The following SORBS2 variants were observed in gnomAD, a reference collection of about 807,000 sequenced individuals.
SORBS2 encodes sorbin and SH3 domain containing 2.
A neutral mutation model predicts 97.7 loss-of-function variants in SORBS2; 46 were observed. The observed-to-expected ratio is 0.47, with a 90% CI of 0.37 to 0.60. The LOEUF is 0.60. SORBS2 is among the 20% of genes least tolerant of loss of function. The pLI is 0.00. For missense variants in SORBS2, 1,316 were observed against 1,282.3 expected (o/e 1.03, Z -0.40); for synonymous variants, 476 against 473.4 (o/e 1.01, Z -0.07).
chr4:185,665,911 T>G, intron 4 of SORBS2: 8 of 1,181,348 alleles, frequency 6.8e-6, no homozygotes, highest in East Asian at 1.2e-4. Context: ...CAGGGAGGAG[T>G]CTGTTGTCAG....
intron 4 of SORBS2, among the ~76,000 whole-genome samples, chr4:185,644,306 C>G (rs1581682432): frequency 1.3e-5 from 2 of 152,304 alleles, no homozygotes; most frequent in Admixed American, 6.5e-5. Flanking sequence ...ACACTCATGG[C>G]TCCAGAGTTT....
intron 1 of SORBS2, among the ~76,000 whole-genome samples, chr4:185,797,818 G>A (rs1012586243): frequency 4.6e-5 from 7 of 152,052 alleles, no homozygotes; most frequent in Non-Finnish European, 5.9e-5. Flanking sequence ...CATTCCAGAC[G>A]CACCATCCAG....
chr4:185,780,733 G>A (rs971228292), intron 1 of SORBS2, among the ~76,000 whole-genome samples: 6 of 152,118 alleles, frequency 3.9e-5, no homozygotes, highest in Non-Finnish European at 8.8e-5. Flanking sequence ...GGTTATTGAT[G>A]TTAAGTAAAT....
chr4:185,833,974 A>G (rs2153674253), intron 1 of SORBS2, among the ~76,000 whole-genome samples: 1 of 152,344 alleles, frequency 6.6e-6, no homozygotes, highest in Admixed American at 6.5e-5. Context: ...GAGTTCTAGA[A>G]TTAACCAATG....
At chr4:185,690,510 AT>A in intron 2 of SORBS2, 51 bp downstream of exon 4, 2 of 1,306,442 alleles carry the variant, frequency 1.5e-6, no homozygotes, top group South Asian at 2.9e-5. Flanking sequence ...TAGGGCCAAC[AT>A]GATTTTTAGA....
At chr4:185,599,842 C>T (rs2153377998) in intron 12 of SORBS2, among the ~76,000 whole-genome samples, 1 of 152,324 alleles carries the variant, frequency 6.6e-6, no homozygotes. Flanking sequence ...TCTCCAGCCT[C>T]ACTTTAAGGC....
intron 4 of SORBS2, among the ~76,000 whole-genome samples, chr4:185,676,442 G>A (rs1401748769): frequency 1.3e-5 from 2 of 152,186 alleles, no homozygotes; most frequent in South Asian, 2.1e-4. Context: ...CTTCCTGAAA[G>A]TCTGGATAAT....
chr4:185,665,807 T>C, intron 4 of SORBS2: 1 of 1,112,972 alleles, frequency 9.0e-7, no homozygotes, highest in South Asian at 2.2e-5. Flanking sequence ...GGGGAGGGTG[T>C]CTCAGAACGG....
intron 1 of SORBS2, among the ~76,000 whole-genome samples, chr4:185,946,959 C>T (rs921280063): frequency 1.3e-5 from 2 of 152,228 alleles, no homozygotes; most frequent in Non-Finnish European, 2.9e-5. Context: ...GGGGTGTACC[C>T]CAACAGATGG....
At chr4:185,761,754 T>C (rs1463822759) in intron 2 of SORBS2, among the ~76,000 whole-genome samples, 1 of 152,170 alleles carries the variant, frequency 6.6e-6, no homozygotes, top group African/African-American at 2.4e-5. Flanking sequence ...CTGAGTTCCA[T>C]GCCCAGCAGT....
chr4:185,723,049 C>T (rs1334899133), intron 2 of SORBS2, among the ~76,000 whole-genome samples: 1 of 151,884 alleles, frequency 6.6e-6, no homozygotes, highest in Non-Finnish European at 1.5e-5. Context: ...TTGTAACAGG[C>T]CTAGCACAGT....
At chr4:185,870,409 C>T (rs1278052856) in intron 1 of SORBS2, among the ~76,000 whole-genome samples, 4 of 152,206 alleles carry the variant, frequency 2.6e-5, no homozygotes, top group East Asian at 1.9e-4. Context: ...ATCCCAACTA[C>T]CCAGACAAAG....
intron 1 of SORBS2, among the ~76,000 whole-genome samples, chr4:185,931,439 G>A (rs1290373256): frequency 2.6e-5 from 4 of 152,206 alleles, no homozygotes; most frequent in Non-Finnish European, 5.9e-5. Flanking sequence ...GAGTGACTGA[G>A]CTCAACTCCA....
At position 185,709,304 on chromosome 4, in the gene SORBS2, C is replaced by CTTTTTTTTTTTTTTTTTTTTTTTTT. The variant is rs70962587; in HGVS notation, c.-197-30483_-197-30482insAAAAAAAAAAAAAAAAAAAAAAAAA. 3.2e-4 allele frequency among the ~76,000 whole-genome samples: 31 copies of CTTTTTTTTTTTTTTTTTTTTTTTTT among 96,764 alleles called. 3 individuals are homozygous for CTTTTTTTTTTTTTTTTTTTTTTTTT. Among genetic ancestry groups the CTTTTTTTTTTTTTTTTTTTTTTTTT allele is most frequent in the African/African-American group, 8.2e-4 (20 of 24,378 alleles). The allele number at this position is 96,764 out of a possible 152,430, so 63.5% of individuals were successfully genotyped here. A position where few individuals can be genotyped will look rare whatever the true frequency, so the allele number is the denominator to read the frequency against. Reference sequence around the variant, plus strand: ...GCATGAGCCGCTGTGCTGGCCAAATCTTTTTTTTTTTTTTTTTTTTAGTAA... The same window carrying CTTTTTTTTTTTTTTTTTTTTTTTTT: ...GCATGAGCCGCTGTGCTGGCCAAATCTTTTTTTTTTTTTTTTTTTTTTTTTTTTTTTTTTTTTTTTTTTTTAGTAA... On this transcript the variant is annotated intron_variant, in intron 2 of 20. Transcript: ENST00000284776.
intron 2 of SORBS2, among the ~76,000 whole-genome samples, chr4:185,748,044 C>T (rs562213049): frequency 5.8e-4 from 89 of 152,220 alleles, no homozygotes; most frequent in African/African-American, 2.0e-3. Flanking sequence ...TTCTCCCTGG[C>T]TCATTTTAAG....
At chr4:185,737,680 G>A (rs1204729922) in intron 2 of SORBS2, among the ~76,000 whole-genome samples, 1 of 152,172 alleles carries the variant, frequency 6.6e-6, no homozygotes, top group African/African-American at 2.4e-5. Context: ...GCGGGGATGG[G>A]CACCGCAGCG....
At chr4:185,841,116 G>T (rs1463960884) in intron 1 of SORBS2, among the ~76,000 whole-genome samples, 2 of 152,222 alleles carry the variant, frequency 1.3e-5, no homozygotes, top group Non-Finnish European at 2.9e-5. Flanking sequence ...GAAGAACAAA[G>T]ATGTTAAAGG....
At chr4:185,944,963 A>G in intron 1 of SORBS2, among the ~76,000 whole-genome samples, 1 of 152,342 alleles carries the variant, frequency 6.6e-6, no homozygotes, top group South Asian at 2.1e-4. Flanking sequence ...TTATAGGAAA[A>G]AGAACACTAA....
chr4:185,910,232 A>G (rs1215371325), intron 1 of SORBS2, among the ~76,000 whole-genome samples: 4 of 152,168 alleles, frequency 2.6e-5, no homozygotes, highest in African/African-American at 9.7e-5. Context: ...CCCTATGCAT[A>G]TATTTATAAA....
Sources: allele counts gnomAD v4.1 joint callset (sites outside exome capture counted in the v4.1 genomes callset), GRCh38; gene constraint gnomAD v4.1.1; transcripts MANE v1.5; gene names NCBI Gene and HGNC (gene_info 2026-07-23, HGNC 2026-07-21).